The following LRRC7 variants were observed in gnomAD, a reference collection of about 807,000 sequenced individuals.
The protein encoded by LRRC7 is leucine rich repeat containing 7.
A neutral mutation model predicts 175.7 loss-of-function variants in LRRC7; 23 were observed. That is an observed-to-expected ratio of 0.13 (90% CI 0.09 to 0.19). The LOEUF (loss-of-function observed/expected upper bound fraction) is 0.19. LRRC7 is among the 10% of genes least tolerant of loss of function. LRRC7 has a pLI of 1.00. For missense variants in LRRC7, 1,354 were observed against 1,904.7 expected, an observed-to-expected ratio of 0.71 and a Z score of 5.38; for synonymous variants, 685 against 680.9, an observed-to-expected ratio of 1.01 and a Z score of -0.09.
At chr1:69,637,904 G>A (rs1435059601) in intron 1 of LRRC7, among the ~76,000 whole-genome samples, 3 of 151,826 alleles carry the variant, frequency 2.0e-5, no homozygotes, top group East Asian at 3.9e-4. Context: ...CTTAGTATTA[G>A]TCCAGAATAG....
intron 8 of LRRC7, among the ~76,000 whole-genome samples, chr1:69,957,622 A>G (rs1650632947): frequency 6.6e-6 from 1 of 151,866 alleles, no homozygotes. Context: ...TTACATTGAA[A>G]TCATGCTGAA....
chr1:69,754,578 T>C (rs1391663032), intron 2 of LRRC7, among the ~76,000 whole-genome samples: 3 of 152,098 alleles, frequency 2.0e-5, no homozygotes, highest in Non-Finnish European at 4.4e-5. Flanking sequence ...GAAGATACAA[T>C]TTTAAGTGTT....
In LRRC7 at chr1:70,044,101, A is replaced by G. The variant is rs750287143; in HGVS notation, c.4110+7A>G. 3 of 1,612,090 alleles carry G rather than the reference A, an allele frequency of 1.9e-6. No homozygotes were observed. The highest frequency in any genetic ancestry group is 2.5e-6 in the Non-Finnish European group (3 of 1,178,972). On this transcript the variant is annotated splice_region_variant and intron_variant, in intron 22 of 26. Transcript: ENST00000651989. ...AGAACTACCTCTTCAGAAAGTAAGT[A>G]TGGACTGCCCTACATGTGTCAGCAT...
intron 1 of LRRC7, among the ~76,000 whole-genome samples, chr1:69,664,697 G>T (rs933796679): frequency 1.6e-4 from 24 of 152,064 alleles, no homozygotes; most frequent in Admixed American, 1.4e-3. Context: ...ATATAATCTG[G>T]TTATTAATCC....
In LRRC7 at chr1:69,615,966, A is replaced by G. The variant is rs535432396; in HGVS notation, c.2+47325A>G. Among the ~76,000 whole-genome samples, 4 of 152,130 alleles carry G rather than the reference A, an allele frequency of 2.6e-5. No individual in the cohort carries two copies. The South Asian group carries it at 8.3e-4, about 32-fold the overall frequency. The stretch of plus-strand genomic sequence containing the variant: ...GGGGCTGGTCAGAGGATGGAACTTA[A>G]TCACGAATTATGTATTACCCAGATT... On this transcript the variant is annotated intron_variant, in intron 1 of 26. Transcript: ENST00000651989.
At chr1:69,945,621 C>T (rs903511446) in intron 8 of LRRC7, among the ~76,000 whole-genome samples, 1 of 152,040 alleles carries the variant, frequency 6.6e-6, no homozygotes, top group Admixed American at 6.6e-5. Context: ...ATTAATTCTT[C>T]CCATCCATGA....
chr1:69,779,734 T>A (rs1229016313), intron 3 of LRRC7, among the ~76,000 whole-genome samples: 1 of 152,236 alleles, frequency 6.6e-6, no homozygotes, highest in Non-Finnish European at 1.5e-5. Context: ...TCCCTAGGTA[T>A]CTATTGTAGT....
At chr1:69,720,121 C>G (rs1300836740) in intron 2 of LRRC7, among the ~76,000 whole-genome samples, 1 of 151,532 alleles carries the variant, frequency 6.6e-6, no homozygotes, top group Non-Finnish European at 1.5e-5. Context: ...TTAAAATAAA[C>G]TTGGGTTTAT....
At chr1:70,112,233 C>CT (rs1480126873) in intron 26 of LRRC7, among the ~76,000 whole-genome samples, 4 of 152,058 alleles carry the variant, frequency 2.6e-5, no homozygotes, top group South Asian at 2.1e-4. Context: ...TATTATTGCA[C>CT]TTTTTTTACT....
chr1:69,857,923 A>T (rs1192338859), intron 7 of LRRC7, among the ~76,000 whole-genome samples: 2 of 152,224 alleles, frequency 1.3e-5, no homozygotes, highest in Non-Finnish European at 2.9e-5. Flanking sequence ...ATATAGATCA[A>T]TGGAACAGAA....
intron 21 of LRRC7, among the ~76,000 whole-genome samples, chr1:70,040,758 G>A (rs1210453198): frequency 1.3e-5 from 2 of 152,110 alleles, no homozygotes; most frequent in East Asian, 1.9e-4. Context: ...AGGTTGCAGT[G>A]AGCTGAGATC....
intron 26 of LRRC7, among the ~76,000 whole-genome samples, chr1:70,120,211 A>C (rs915256920): frequency 6.6e-6 from 1 of 152,124 alleles, no homozygotes; most frequent in Non-Finnish European, 1.5e-5. Flanking sequence ...TAACACACCC[A>C]AACTTCTACT....
intron 8 of LRRC7, 48 bp downstream of exon 8, chr1:69,931,618 C>T: frequency 7.0e-7 from 1 of 1,435,904 alleles, no homozygotes; most frequent in Non-Finnish European, 9.8e-7. Flanking sequence ...TCAGGAGATT[C>T]TTTCTTTTGC....
At chr1:69,686,494 T>G (rs1016052329) in intron 2 of LRRC7, among the ~76,000 whole-genome samples, 6 of 152,148 alleles carry the variant, frequency 3.9e-5, no homozygotes, top group Non-Finnish European at 7.4e-5. Context: ...GATATAAGGT[T>G]TCTCTACTTC....
intron 1 of LRRC7, among the ~76,000 whole-genome samples, chr1:69,639,234 C>CGG (rs1488811807): frequency 6.6e-6 from 1 of 151,670 alleles, no homozygotes; most frequent in Admixed American, 6.6e-5. Flanking sequence ...TTATTAAAGG[C>CGG]TACCCAATGA....
intron 25 of LRRC7, among the ~76,000 whole-genome samples, chr1:70,090,557 A>T (rs1039064758): frequency 6.6e-6 from 1 of 152,108 alleles, no homozygotes; most frequent in African/African-American, 2.4e-5. Context: ...CTGCCCTGCT[A>T]CCATCAGTGT....
intron 2 of LRRC7, among the ~76,000 whole-genome samples, chr1:69,719,677 T>C (rs1666139780): frequency 6.6e-6 from 1 of 151,650 alleles, no homozygotes; most frequent in South Asian, 2.1e-4. Context: ...TCTTTTTCTG[T>C]CTACAGTAAA....
rs1043945285 is a variant in LRRC7 at position 69,991,333 on chromosome 1, C to A, written c.932-3228C>A. Among the ~76,000 whole-genome samples the A allele has an allele frequency of 6.6e-5, 10 of 152,092 alleles. No individual in the cohort carries two copies. In the South Asian group the frequency reaches 1.9e-3, roughly 28 times the overall value. ...AGCTAGACACTGGATTGGCATATGA[C>A]AGACTAGGATAGGTAGGTGGTATTA... On this transcript the variant is annotated intron_variant, in intron 10 of 26. Transcript: ENST00000651989.
chr1:69,767,329 T>A (rs997783092), intron 3 of LRRC7, among the ~76,000 whole-genome samples: 77 of 152,340 alleles, frequency 5.1e-4, no homozygotes, highest in African/African-American at 1.7e-3. Flanking sequence ...ATTTTTATAT[T>A]ACACATATGT....
Sources: gnomAD v4.1 joint callset for allele counts (sites outside exome capture counted in the v4.1 genomes callset) on GRCh38, gnomAD v4.1.1 for gene constraint, MANE v1.5 for transcripts, NCBI Gene and HGNC (gene_info 2026-07-23, HGNC 2026-07-21) for gene names.